The following MAP2 variants were observed in gnomAD, a reference collection of about 807,000 sequenced individuals.
The protein encoded by MAP2 is microtubule-associated protein 2.
In MAP2, 14 loss-of-function variants were observed where a neutral mutation model predicts 137.6. The ratio of observed to expected loss-of-function variants is 0.10; its 90% CI spans 0.07 to 0.16. The LOEUF (loss-of-function observed/expected upper bound fraction) is 0.16. Among genes scored for constraint, MAP2 ranks in the 10% least tolerant of loss-of-function variants. The pLI, the probability that MAP2 is intolerant of heterozygous loss-of-function variation, is 1.00. For synonymous variants in MAP2, 786 were observed against 782.3 expected (o/e 1.00, Z -0.08); for missense variants, 2,088 against 2,191.5 (o/e 0.95, Z 0.94).
At chr2:209,676,731 A>G (rs2051786129) in intron 5 of MAP2, among the ~76,000 whole-genome samples, 1 of 23,496 alleles carries the variant, frequency 4.3e-5, no homozygotes, top group Non-Finnish European at 1.0e-4. Flanking sequence ...ATATATATAT[A>G]TATATATATA....
chr2:209,473,991 T>A (rs1706489876), intron 1 of MAP2, among the ~76,000 whole-genome samples: 1 of 152,216 alleles, frequency 6.6e-6, no homozygotes, highest in East Asian at 1.9e-4. Flanking sequence ...TTCTGTGTGG[T>A]TTCACCACTT....
chr2:209,507,302 G>A (rs2061192694), intron 1 of MAP2, among the ~76,000 whole-genome samples: 4 of 152,016 alleles, frequency 2.6e-5, no homozygotes, highest in Admixed American at 1.3e-4. Context: ...TTGGTTGGTT[G>A]TTTTAGAATA....
intron 4 of MAP2, among the ~76,000 whole-genome samples, chr2:209,644,385 C>T (rs570722199): frequency 1.3e-5 from 2 of 152,056 alleles, no homozygotes; most frequent in South Asian, 2.1e-4. Context: ...TTCATATGCA[C>T]CGGAGCATAT....
At chr2:209,549,518 A>G (rs1030532194) in intron 2 of MAP2, among the ~76,000 whole-genome samples, 2 of 152,194 alleles carry the variant, frequency 1.3e-5, no homozygotes, top group African/African-American at 2.4e-5. Context: ...TTAGAAATCC[A>G]AAGTATATTA....
chr2:209,624,105 C>A (rs2091842005), intron 3 of MAP2, among the ~76,000 whole-genome samples: 1 of 152,126 alleles, frequency 6.6e-6, no homozygotes, highest in African/African-American at 2.4e-5. Context: ...AGAATTGAGC[C>A]ATCTGCATCT....
chr2:209,709,408 C>T (rs1423709890), intron 12 of MAP2, among the ~76,000 whole-genome samples: 1 of 152,046 alleles, frequency 6.6e-6, no homozygotes, highest in Non-Finnish European at 1.5e-5. Context: ...TATTGAAATG[C>T]AGATCTTTCT....
At position 209,651,237 on chromosome 2, in the gene MAP2, A is replaced by AG. The variant is rs143661561; in HGVS notation, c.-29-1902dup. Among the ~76,000 whole-genome samples, 661 of 152,266 alleles carry AG rather than the reference A, an allele frequency of 4.3e-3. 5 individuals are homozygous for AG. Among genetic ancestry groups the AG allele is most frequent in the African/African-American group, 0.015 (625 of 41,562 alleles). On this transcript the variant is annotated intron_variant, in intron 4 of 15. Coordinates refer to ENST00000682079, the MANE Select transcript of MAP2 (RefSeq NM_001375505.1). ...ATGTAGCTAATTTTTCAATGTACAC[A>AG]GGGAGAGGTTAATTCCAAGGATGCT...
In MAP2 at chr2:209,705,560, T is replaced by C. The variant is rs2153746457; in HGVS notation, c.4585-20T>C. 1.3e-6 allele frequency: 2 copies of C among 1,567,660 alleles called. No homozygotes were observed. The highest frequency in any genetic ancestry group is 4.5e-5 in the East Asian group (2 of 43,980). On this transcript the variant is annotated intron_variant, in intron 11 of 15. Transcript: ENST00000682079. ...AAAGAGTTACAAGAACCCAATGTTC[T>C]TTTTGTTTTCTCCAATCAGGACGGA...
intron 2 of MAP2, among the ~76,000 whole-genome samples, chr2:209,558,740 C>T (rs949131473): frequency 6.6e-6 from 1 of 151,440 alleles, no homozygotes; most frequent in South Asian, 2.1e-4. Flanking sequence ...TTTCTTTAGT[C>T]TCCTTTAATC....
chr2:209,627,136 G>A (rs961628203), intron 4 of MAP2, among the ~76,000 whole-genome samples: 3 of 151,904 alleles, frequency 2.0e-5, no homozygotes, highest in African/African-American at 7.2e-5. Flanking sequence ...CCCAAATATA[G>A]TATAAATTAC....
intron 13 of MAP2, among the ~76,000 whole-genome samples, chr2:209,719,072 A>G (rs1470062798): frequency 6.6e-6 from 1 of 152,248 alleles, no homozygotes; most frequent in African/African-American, 2.4e-5. Context: ...GCAAGAACAA[A>G]GGAAGGCTTA....
At chr2:209,589,539 A>G (rs945765674) in intron 3 of MAP2, among the ~76,000 whole-genome samples, 1 of 152,202 alleles carries the variant, frequency 6.6e-6, no homozygotes, top group Admixed American at 6.5e-5. Context: ...CCCTACCTTA[A>G]AAGACTCCTG....
At position 209,692,981 on chromosome 2, in the gene MAP2, A is replaced by G. The variant is rs200313728; in HGVS notation, c.811A>G (p.Thr271Ala). The change falls in exon 8 of 16, where the codon ACG (threonine) becomes GCG (alanine). Residue 271 changes from threonine to alanine, a missense_variant. Physicochemically the swap from Thr to Ala is moderately conservative, Grantham distance 58 (BLOSUM62 0). Transcript: ENST00000682079. Reference sequence around the variant, plus strand: ...AAAGGACTGGTTCATCGAAATGCCAACGGAAGCAAAAAAGGATGAGTGGGG... The same window carrying G: ...AAAGGACTGGTTCATCGAAATGCCAGCGGAAGCAAAAAAGGATGAGTGGGG... ...EQKDWFIEMPTEAKKDEWGLV... is the reference protein window; with the variant it reads ...EQKDWFIEMPAEAKKDEWGLV... 3.9e-5 allele frequency: 63 copies of G among 1,613,864 alleles called. 1 individual carries two copies. In the East Asian group the frequency reaches 4.5e-4, roughly 11 times the overall value.
At chr2:209,574,905 G>A (rs941821900) in intron 2 of MAP2, among the ~76,000 whole-genome samples, 1 of 152,118 alleles carries the variant, frequency 6.6e-6, no homozygotes, top group Non-Finnish European at 1.5e-5. Flanking sequence ...GAAAGCATAA[G>A]TATTATTTCT....
chr2:209,599,157 A>T lies in MAP2; in HGVS notation c.-107+19057A>T, dbSNP rs556964155. ...TTGCCATTCTAACTGGTGTGAGATG[A>T]TATCTCATTGTGGTTTTGATTTGCA... On this transcript the variant is annotated intron_variant, in intron 3 of 15. Coordinates refer to ENST00000682079, the MANE Select transcript of MAP2 (RefSeq NM_001375505.1). Among the ~76,000 whole-genome samples the T allele has an allele frequency of 3.9e-5, 6 of 152,060 alleles. No individual in the cohort carries two copies. In the East Asian group the frequency reaches 1.2e-3, roughly 29 times the overall value.
intron 2 of MAP2, among the ~76,000 whole-genome samples, chr2:209,547,777 A>T (rs1246133587): frequency 6.6e-6 from 1 of 152,178 alleles, no homozygotes; most frequent in East Asian, 1.9e-4. Context: ...AGCTAAGTTA[A>T]AATAAGGGTT....
intron 2 of MAP2, among the ~76,000 whole-genome samples, chr2:209,573,058 C>G (rs1241473662): frequency 6.6e-6 from 1 of 152,128 alleles, no homozygotes; most frequent in Non-Finnish European, 1.5e-5. Flanking sequence ...AGAAACACTT[C>G]TAGAAGATTT....
At chr2:209,704,517 G>A in intron 11 of MAP2, 1 of 1,612,788 alleles carries the variant, frequency 6.2e-7, no homozygotes, top group East Asian at 2.2e-5. Context: ...AGCTCAGCCT[G>A]CCCTAGCACG....
At chr2:209,703,723 A>C (rs1249509074) in intron 11 of MAP2, among the ~76,000 whole-genome samples, 1 of 152,076 alleles carries the variant, frequency 6.6e-6, no homozygotes, top group Non-Finnish European at 1.5e-5. Context: ...GGATTTCACA[A>C]AGCTAATTCC....
Sources: allele counts gnomAD v4.1 joint callset (sites outside exome capture counted in the v4.1 genomes callset), GRCh38; gene constraint gnomAD v4.1.1; transcripts MANE v1.5; gene names NCBI Gene and HGNC (gene_info 2026-07-23, HGNC 2026-07-21).